The following CORO1C variants were observed in gnomAD, a reference collection of about 807,000 sequenced individuals.
CORO1C encodes the protein coronin-1C.
A neutral mutation model predicts 51.2 loss-of-function variants in CORO1C; 14 were observed. The ratio of observed to expected loss-of-function variants is 0.27; its 90% CI spans 0.18 to 0.43. CORO1C has a LOEUF of 0.43. Ranked by LOEUF, CORO1C falls within the 20% of genes least tolerant of loss-of-function variation. The pLI, the probability that CORO1C is intolerant of heterozygous loss-of-function variation, is 1.00. For synonymous variants in CORO1C, 181 were observed against 210.5 expected (o/e 0.86, Z 1.21); for missense variants, 417 against 607.8 (o/e 0.69, Z 3.30).
chr12:108,669,810 T>TCC (rs2033645978), intron 3 of CORO1C, among the ~76,000 whole-genome samples: 1 of 152,052 alleles, frequency 6.6e-6, no homozygotes, highest in Non-Finnish European at 1.5e-5. Context: ...TAGGAGAAGA[T>TCC]CAAACATTTC....
rs2033117764 is a variant in CORO1C at position 108,658,437 on chromosome 12, CA to C, written c.630+300del. On this transcript the variant is annotated intron_variant, in intron 5 of 10. Coordinates refer to ENST00000261401, the MANE Select transcript of CORO1C (RefSeq NM_014325.4). This position sits in a 1 kb window ranked among gnomAD's most constrained non-coding sequence, Gnocchi z 4.9. ...TAAGCTGCAAAATCAGGAATGCAGCCAATTGGTTTAATTGATCAAGACTTAT... is the reference window on the plus strand; with the variant it reads ...TAAGCTGCAAAATCAGGAATGCAGCCATTGGTTTAATTGATCAAGACTTAT... Among the ~76,000 whole-genome samples the C allele has an allele frequency of 6.6e-6, 1 of 152,028 alleles. No homozygotes were observed. The highest frequency in any genetic ancestry group is 2.4e-5 in the African/African-American group (1 of 41,390).
At chr12:108,718,035 T>C (rs2035382118) in intron 1 of CORO1C, among the ~76,000 whole-genome samples, 1 of 151,998 alleles carries the variant, frequency 6.6e-6, no homozygotes, top group East Asian at 1.9e-4. Flanking sequence ...CTGGCCAATA[T>C]TGTGAAACCC....
chr12:108,720,811 C>A (rs905670940), intron 1 of CORO1C, among the ~76,000 whole-genome samples: 4 of 152,192 alleles, frequency 2.6e-5, no homozygotes, highest in Non-Finnish European at 4.4e-5. Flanking sequence ...GCATGAGCCA[C>A]CGCACCCGGC....
intron 2 of CORO1C, among the ~76,000 whole-genome samples, chr12:108,691,862 T>C (rs2136852096): frequency 6.6e-6 from 1 of 152,240 alleles, no homozygotes; most frequent in East Asian, 1.9e-4. Context: ...GAAACCATCA[T>C]CTGCCAGGGC....
At chr12:108,708,150 C>A (rs1189596485) in intron 1 of CORO1C, among the ~76,000 whole-genome samples, 1 of 152,162 alleles carries the variant, frequency 6.6e-6, no homozygotes, top group Non-Finnish European at 1.5e-5. Flanking sequence ...GAACTGAAAA[C>A]AGGTAGTCAA....
intron 7 of CORO1C, 116 bp downstream of exon 7, chr12:108,654,190 C>T (rs1042867651): frequency 2.8e-6 from 2 of 710,448 alleles, no homozygotes; most frequent in Non-Finnish European, 2.5e-6. Context: ...TTATAACATA[C>T]ACACACAAAT....
intron 3 of CORO1C, among the ~76,000 whole-genome samples, chr12:108,671,651 A>C (rs1466436161): frequency 6.6e-6 from 1 of 152,222 alleles, no homozygotes; most frequent in Non-Finnish European, 1.5e-5. Context: ...ATGATTTATA[A>C]AGGAAAGGAA....
intron 6 of CORO1C, among the ~76,000 whole-genome samples, chr12:108,656,525 C>A (rs1340547383): frequency 6.6e-6 from 1 of 152,204 alleles, no homozygotes; most frequent in Non-Finnish European, 1.5e-5. Flanking sequence ...CCCCTCTGCC[C>A]GGCCACCATC....
chr12:108,723,602 C>A (rs12582815), intron 1 of CORO1C, among the ~76,000 whole-genome samples: 11,359 of 152,234 alleles, frequency 0.075, 636 homozygotes, highest in East Asian at 0.32. Flanking sequence ...ACATGGGGAC[C>A]CACACCCAGT....
Position 108,645,166 on chromosome 12 carries a change from T to C in CORO1C, c.*2237A>G, listed in dbSNP as rs1452895645. 6.6e-6 allele frequency: 1 copy of C among 150,472 alleles called. No homozygotes were observed. The highest frequency in any genetic ancestry group is 1.5e-5 in the Non-Finnish European group (1 of 67,900). 9.3% of individuals were successfully genotyped at this position (150,472 alleles called of 1,614,324 possible). A position where few individuals can be genotyped will look rare whatever the true frequency, so the allele number is the denominator to read the frequency against. ...GGAAGCAAGTGTTTTGACAGAACACTATGGCCACTCTATAAGAGCCGACCT... is the reference window on the plus strand; with the variant it reads ...GGAAGCAAGTGTTTTGACAGAACACCATGGCCACTCTATAAGAGCCGACCT... On this transcript the variant is annotated 3_prime_UTR_variant, in exon 11 of 11. Transcript: ENST00000261401.
Position 108,726,079 on chromosome 12 carries a change from C to T in CORO1C, c.-6+5350G>A, listed in dbSNP as rs1484042344. ...CAAACCCCTGACCTCGTGATCTGCC[C>T]GCCTCAGCTTCCCAAAGTGCTGGGA... On this transcript the variant is annotated intron_variant, in intron 1 of 10. Coordinates refer to ENST00000261401, the MANE Select transcript of CORO1C (RefSeq NM_014325.4). Among the ~76,000 whole-genome samples, 5 of 152,122 alleles carry T rather than the reference C, an allele frequency of 3.3e-5. No homozygotes were observed. In the East Asian group the frequency reaches 5.8e-4, roughly 18 times the overall value.
chr12:108,686,655 T>C (rs957310213), intron 2 of CORO1C, among the ~76,000 whole-genome samples: 2 of 152,238 alleles, frequency 1.3e-5, no homozygotes, highest in African/African-American at 4.8e-5. Context: ...GCTTTTGTTA[T>C]ACCTTTCTAG....
chr12:108,661,809 C>A (rs2033273651), intron 4 of CORO1C, among the ~76,000 whole-genome samples: 1 of 152,140 alleles, frequency 6.6e-6, no homozygotes, highest in South Asian at 2.1e-4. Context: ...TCATAGCTTT[C>A]CTCAGGTTGT....
chr12:108,652,490 C>T, intron 7 of CORO1C, 73 bp from the exon 8 acceptor site: 1 of 1,259,668 alleles, frequency 7.9e-7, no homozygotes, highest in Non-Finnish European at 1.1e-6. Context: ...TGTCTCTCTC[C>T]TCTACAAACC....
intron 1 of CORO1C, among the ~76,000 whole-genome samples, chr12:108,712,273 T>C (rs1213764344): frequency 6.6e-6 from 1 of 152,108 alleles, no homozygotes; most frequent in African/African-American, 2.4e-5. Context: ...AGTAAAAAAT[T>C]CCTTTTAAGA....
intron 2 of CORO1C, among the ~76,000 whole-genome samples, chr12:108,679,109 C>CAAAAAAAAAAAAAA (rs1183326267): frequency 1.6e-3 from 35 of 21,850 alleles, no homozygotes; most frequent in African/African-American, 2.2e-3. Context: ...GACTCTGTCT[C>CAAAAAAAAAAAAAA]AAAAAAAAAA....
In CORO1C at chr12:108,702,855, GAAGT is replaced by G. The variant is rs769043002; in HGVS notation, c.-5-1536_-5-1533del. On this transcript the variant is annotated intron_variant, in intron 1 of 10. Coordinates refer to ENST00000261401, the MANE Select transcript of CORO1C (RefSeq NM_014325.4). ...AATGCTGGGGGCATGTAGCCGGGCT[GAAGT>G]AAGAGACCCTTGGCAGGCAATTGAG... 1,117 of 1,535,760 alleles carry G rather than the reference GAAGT, an allele frequency of 7.3e-4. 3 individuals carry two copies. Among genetic ancestry groups the G allele is most frequent in the South Asian group, 4.0e-3 (338 of 84,018 alleles).
At chr12:108,693,470 A>G (rs2034566625) in intron 2 of CORO1C, among the ~76,000 whole-genome samples, 1 of 152,238 alleles carries the variant, frequency 6.6e-6, no homozygotes, top group Non-Finnish European at 1.5e-5. Flanking sequence ...ATTCTAAAAT[A>G]TAAAACAGTG....
intron 3 of CORO1C, among the ~76,000 whole-genome samples, chr12:108,670,005 G>A (rs1158302172): frequency 6.6e-6 from 1 of 152,164 alleles, no homozygotes; most frequent in Non-Finnish European, 1.5e-5. Context: ...CTCCAGCAAT[G>A]CCAATAAAAG....
Sources: allele counts gnomAD v4.1 joint callset (sites outside exome capture counted in the v4.1 genomes callset), GRCh38; gene constraint gnomAD v4.1.1; non-coding constraint Gnocchi (gnomAD v3.1); transcripts MANE v1.5; gene names NCBI Gene and HGNC (gene_info 2026-07-23, HGNC 2026-07-21).